Variants in BCAT1 observed in about 807,000 individuals in gnomAD.
BCAT1 encodes branched chain amino acid transaminase 1, also known as branched-chain-amino-acid aminotransferase, cytosolic.
In BCAT1, 48 loss-of-function variants were observed where a neutral mutation model predicts 52.4. That is an observed-to-expected ratio of 0.92 (90% CI 0.73 to 1.16). The LOEUF (loss-of-function observed/expected upper bound fraction) is 1.16. Ranked by LOEUF, BCAT1 falls within the 50% of genes most tolerant of loss-of-function variation. The pLI is 0.00. For synonymous variants in BCAT1, 167 were observed against 161.3 expected, an observed-to-expected ratio of 1.04 and a Z score of -0.27; for missense variants, 451 against 457.1, an observed-to-expected ratio of 0.99 and a Z score of 0.12.
chr12:24,902,978 G>A, intron 1 of BCAT1: 1 of 1,492,116 alleles, frequency 6.7e-7, no homozygotes, highest in Non-Finnish European at 8.9e-7. Flanking sequence ...GGAGCGAAGC[G>A]GGCTGGCCAT....
At chr12:24,936,189 G>C (rs1017441628) in intron 1 of BCAT1, among the ~76,000 whole-genome samples, 1 of 152,206 alleles carries the variant, frequency 6.6e-6, no homozygotes, top group Non-Finnish European at 1.5e-5. Flanking sequence ...GTGTACTACT[G>C]CTGTTGTAAC....
At chr12:24,834,892 T>A (rs778753785) in intron 8 of BCAT1, 31 of 693,308 alleles carry the variant, frequency 4.5e-5, no homozygotes, top group Non-Finnish European at 5.6e-5. Flanking sequence ...TTTGGACAAT[T>A]TCCCCTATCT....
chr12:24,836,742 C>G (rs1037654878), intron 7 of BCAT1, 146 bp from the exon 8 acceptor site: 1 of 556,676 alleles, frequency 1.8e-6, no homozygotes, highest in African/African-American at 1.9e-5. Context: ...TCAAATTTCC[C>G]AAATCAGTTC....
chr12:24,860,926 C>T (rs1188324294), intron 5 of BCAT1, among the ~76,000 whole-genome samples: 2 of 152,166 alleles, frequency 1.3e-5, no homozygotes, highest in Non-Finnish European at 2.9e-5. Context: ...AACAAAGTTA[C>T]ATCAAAGTCA....
intron 1 of BCAT1, among the ~76,000 whole-genome samples, chr12:24,909,769 A>G (rs1812414107): frequency 6.6e-6 from 1 of 152,232 alleles, no homozygotes; most frequent in Non-Finnish European, 1.5e-5. Flanking sequence ...AAGCATATAC[A>G]CTAACTGGCC....
intron 5 of BCAT1, among the ~76,000 whole-genome samples, chr12:24,866,897 C>T (rs1300223858): frequency 6.6e-6 from 1 of 152,058 alleles, no homozygotes; most frequent in Non-Finnish European, 1.5e-5. Context: ...GCAGTGGCAA[C>T]CTGCTGGGGT....
chr12:24,846,083 C>A (rs901724211), intron 6 of BCAT1, among the ~76,000 whole-genome samples: 2 of 152,118 alleles, frequency 1.3e-5, no homozygotes, highest in African/African-American at 4.8e-5. Context: ...TTCAAAGAAG[C>A]TTCTAAATAC....
rs139033267 is a variant in BCAT1, at chr12:24,906,363, T to C, written c.7-4478A>G. ...GAGGAGGAGTCTGGTTTGGGACCTA[T>C]GATTTCTGAAGTGTCTCCAAGACTG... On this transcript the variant is annotated intron_variant, in intron 1 of 10. Coordinates refer to ENST00000261192, the MANE Select transcript of BCAT1 (RefSeq NM_005504.7). 8.8e-3 allele frequency among the ~76,000 whole-genome samples: 1,344 copies of C among 152,158 alleles called. 7 individuals carry two copies. Among genetic ancestry groups the C allele is most frequent in the South Asian group, 0.022 (108 of 4,812 alleles).
intron 9 of BCAT1, among the ~76,000 whole-genome samples, chr12:24,831,237 T>C (rs1662961070): frequency 6.6e-6 from 1 of 152,232 alleles, no homozygotes; most frequent in African/African-American, 2.4e-5. Flanking sequence ...TACTTTATTG[T>C]AAGAATACAT....
At chr12:24,938,580 T>C (rs920034598) in intron 1 of BCAT1, among the ~76,000 whole-genome samples, 2 of 152,068 alleles carry the variant, frequency 1.3e-5, no homozygotes, top group African/African-American at 4.8e-5. Flanking sequence ...GTTGGGTGCT[T>C]AGGCCTCTCT....
At chr12:24,943,909 A>G (rs375701046) in intron 1 of BCAT1, among the ~76,000 whole-genome samples, 237 of 152,132 alleles carry the variant, frequency 1.6e-3, no homozygotes, top group South Asian at 4.4e-3. Context: ...GCGTGAACCC[A>G]GGAGGCGGAG....
intron 1 of BCAT1, among the ~76,000 whole-genome samples, chr12:24,941,597 G>T (rs184572600): frequency 8.5e-5 from 13 of 152,332 alleles, no homozygotes; most frequent in African/African-American, 2.4e-4. Flanking sequence ...AATGGTGCAA[G>T]GTTCCTGCCA....
intron 5 of BCAT1, among the ~76,000 whole-genome samples, chr12:24,852,204 C>A (rs1941535446): frequency 6.6e-6 from 1 of 152,148 alleles, no homozygotes; most frequent in East Asian, 1.9e-4. Flanking sequence ...GTTAAGCCTG[C>A]AGAACTGTGA....
intron 1 of BCAT1, among the ~76,000 whole-genome samples, chr12:24,911,751 G>C (rs1943331573): frequency 6.6e-6 from 1 of 152,126 alleles, no homozygotes. Flanking sequence ...TCTGCACAGG[G>C]AGGAAACCCT....
intron 6 of BCAT1, among the ~76,000 whole-genome samples, chr12:24,847,145 T>C (rs1355153699): frequency 6.6e-6 from 1 of 152,256 alleles, no homozygotes; most frequent in African/African-American, 2.4e-5. Flanking sequence ...AGGAAACTGA[T>C]ACATAGAGCA....
chr12:24,910,759 T>A (rs528306696), intron 1 of BCAT1, among the ~76,000 whole-genome samples: 2 of 152,304 alleles, frequency 1.3e-5, no homozygotes, highest in Admixed American at 1.3e-4. Flanking sequence ...TCAGTTCCGA[T>A]GAAATCATTG....
Position 24,911,377 on chromosome 12 carries a change from G to A in BCAT1, c.7-9492C>T, listed in dbSNP as rs116164008. Among the ~76,000 whole-genome samples, 621 of 152,236 alleles carry A rather than the reference G, an allele frequency of 4.1e-3. 5 individuals are homozygous for A. Among genetic ancestry groups the A allele is most frequent in the African/African-American group, 0.014 (589 of 41,530 alleles). ...CCCTCTGGAAGAGAATGAATGCGCAGGGCTACACAGGCAACCCCCTGGGAG... is the reference window on the plus strand; with the variant it reads ...CCCTCTGGAAGAGAATGAATGCGCAAGGCTACACAGGCAACCCCCTGGGAG... On this transcript the variant is annotated intron_variant, in intron 1 of 10. Coordinates refer to ENST00000261192, the MANE Select transcript of BCAT1 (RefSeq NM_005504.7).
chr12:24,895,820 A>G lies in BCAT1; in HGVS notation c.79-1345T>C, dbSNP rs146682634. 1.4e-4 allele frequency among the ~76,000 whole-genome samples: 21 copies of G among 152,334 alleles called. No homozygotes were observed. In the East Asian group the frequency reaches 4.1e-3, roughly 29 times the overall value. On this transcript the variant is annotated intron_variant, in intron 2 of 10. Transcript: ENST00000261192. ...CATTTGATATATTATGAATGATAGT[A>G]AATTGTATTTTTAGAATAATATTCA...
chr12:24,925,469 GATATAA>G (rs1227327587), intron 1 of BCAT1, among the ~76,000 whole-genome samples: 5 of 152,294 alleles, frequency 3.3e-5, no homozygotes, highest in African/African-American at 4.8e-5. Flanking sequence ...TATAGATAAA[GATATAA>G]ATATAGATAT....
Sources: allele counts gnomAD v4.1 joint callset (sites outside exome capture counted in the v4.1 genomes callset), GRCh38; gene constraint gnomAD v4.1.1; transcripts MANE v1.5; gene names NCBI Gene and HGNC (gene_info 2026-07-23, HGNC 2026-07-21).